Variants in DOCK5 observed in about 807,000 individuals in gnomAD.
The protein encoded by DOCK5 is dedicator of cytokinesis protein 5.
A neutral mutation model predicts 251.8 loss-of-function variants in DOCK5; 142 were observed. The ratio of observed to expected loss-of-function variants is 0.56; its 90% confidence interval spans 0.49 to 0.65. The LOEUF (loss-of-function observed/expected upper bound fraction) is 0.65, where lower values mean the gene tolerates loss of function less well. Ranked by LOEUF, DOCK5 falls within the 30% of genes least tolerant of loss-of-function variation. The pLI, the probability that DOCK5 is intolerant of heterozygous loss-of-function variation, is 0.00. For synonymous variants in DOCK5, 842 were observed against 835.5 expected (o/e 1.01, Z -0.13); for missense variants, 2,111 against 2,312.3 (o/e 0.91, Z 1.79).
At chr8:25,284,398 C>T (rs1350974507) in intron 5 of DOCK5, among the ~76,000 whole-genome samples, 2 of 152,196 alleles carry the variant, frequency 1.3e-5, no homozygotes, top group Admixed American at 6.5e-5. Context: ...GATTTAGTGA[C>T]GTTTGCCTTG....
chr8:25,357,579 T>G (rs1800599722), intron 27 of DOCK5, among the ~76,000 whole-genome samples: 1 of 151,952 alleles, frequency 6.6e-6, no homozygotes. Context: ...GGTTTCACCA[T>G]GTTGGCCAGA....
At chr8:25,195,430 C>T (rs925260580) in intron 1 of DOCK5, among the ~76,000 whole-genome samples, 5 of 152,100 alleles carry the variant, frequency 3.3e-5, no homozygotes, top group African/African-American at 9.7e-5. Context: ...GACATTGCCA[C>T]CTCCCTGCTT....
At chr8:25,336,459 T>A in intron 22 of DOCK5, 86 bp downstream of exon 22, 1 of 1,488,142 alleles carries the variant, frequency 6.7e-7, no homozygotes, top group South Asian at 1.2e-5. Context: ...GGTGTTCAGC[T>A]CTGTGAGCAG....
rs1429915033 is a variant in DOCK5 at position 25,311,909 on chromosome 8, AAG to A, written c.1318+1379_1318+1380del. Among the ~76,000 whole-genome samples the A allele has an allele frequency of 4.6e-5, 7 of 151,926 alleles. No homozygotes were observed. The East Asian group carries it at 1.2e-3, about 25-fold the overall frequency. ...TGCAACCCAGCCTGGGCAACAGAGCAAGACTCTGCCTCCAAAAAAAAAAAAAA... is the reference window on the plus strand; with the variant it reads ...TGCAACCCAGCCTGGGCAACAGAGCAACTCTGCCTCCAAAAAAAAAAAAAA... On this transcript the variant is annotated intron_variant, in intron 13 of 51. Transcript: ENST00000276440.
intron 2 of DOCK5, among the ~76,000 whole-genome samples, chr8:25,255,758 G>A (rs886813389): frequency 6.6e-6 from 1 of 152,226 alleles, no homozygotes; most frequent in Non-Finnish European, 1.5e-5. Flanking sequence ...TAGCAGGGAT[G>A]TCTTGTCAGG....
intron 34 of DOCK5, among the ~76,000 whole-genome samples, chr8:25,371,288 G>A (rs1800868194): frequency 1.3e-5 from 2 of 152,072 alleles, no homozygotes; most frequent in Admixed American, 1.3e-4. Context: ...TTGACCTCGT[G>A]ATCCACCTGC....
intron 23 of DOCK5, 123 bp from the exon 24 acceptor site, chr8:25,341,616 G>C (rs1805957805): frequency 2.6e-6 from 2 of 776,678 alleles, no homozygotes; most frequent in Non-Finnish European, 4.3e-6. Flanking sequence ...TTTATTGTAA[G>C]GGTATCTGTG....
chr8:25,208,594 A>C (rs1187580079), intron 1 of DOCK5, among the ~76,000 whole-genome samples: 3 of 152,220 alleles, frequency 2.0e-5, no homozygotes, highest in African/African-American at 4.8e-5. Context: ...TTTTTTTAGC[A>C]ATAAAATATT....
intron 1 of DOCK5, among the ~76,000 whole-genome samples, chr8:25,236,265 G>A (rs1802795011): frequency 6.6e-6 from 1 of 152,154 alleles, no homozygotes; most frequent in Non-Finnish European, 1.5e-5. Flanking sequence ...GTCCTGGATG[G>A]GTCTGAGCAG....
At position 25,300,579 on chromosome 8, in the gene DOCK5, GAACT is replaced by G; in HGVS notation, c.770_773del (p.Asn257IlefsTer2). ...CAATTTTTTTTTCCTTTGCCAGTGAGAACTATCTAATTCGTTGGGGCAGTAACGG... is the reference window on the plus strand; with the variant it reads ...CAATTTTTTTTTCCTTTGCCAGTGAGATCTAATTCGTTGGGGCAGTAACGG... On this transcript the variant is annotated frameshift_variant, in exon 9 of 52. Transcript: ENST00000276440. LOFTEE classifies it high-confidence loss of function. The G allele has an allele frequency of 6.2e-7, 1 of 1,612,238 alleles. No homozygotes were observed. The highest frequency in any genetic ancestry group is 8.5e-7 in the Non-Finnish European group (1 of 1,179,176).
At chr8:25,392,034 T>A (rs1801268778) in intron 43 of DOCK5, 54 bp downstream of exon 43, 16 of 1,534,802 alleles carry the variant, frequency 1.0e-5, no homozygotes, top group Non-Finnish European at 1.4e-5. Context: ...CTGAGCACGG[T>A]GGCTCACGCC....
intron 1 of DOCK5, among the ~76,000 whole-genome samples, chr8:25,199,380 CTT>C (rs564264937): frequency 4.2e-5 from 5 of 117,890 alleles, no homozygotes; most frequent in Non-Finnish European, 1.6e-5. Context: ...CCGCTCTGTT[CTT>C]TTTTTTTTTT....
intron 14 of DOCK5, 180 bp downstream of exon 14, chr8:25,317,311 C>G: frequency 1.6e-6 from 1 of 626,254 alleles, no homozygotes; most frequent in South Asian, 2.8e-5. Flanking sequence ...AGGAAGCTAT[C>G]TAGACTCTTC....
intron 40 of DOCK5, among the ~76,000 whole-genome samples, chr8:25,385,664 G>A (rs569880438): frequency 7.2e-5 from 11 of 152,108 alleles, no homozygotes; most frequent in Admixed American, 3.3e-4. Context: ...CCAAAATCTT[G>A]AAATTATCTA....
At chr8:25,363,650 GT>G (rs532211987) in intron 29 of DOCK5, among the ~76,000 whole-genome samples, 113 of 152,350 alleles carry the variant, frequency 7.4e-4, no homozygotes, top group Middle Eastern at 6.8e-3. Context: ...TAGTTCAAAA[GT>G]TTGGTGAAAT....
intron 1 of DOCK5, among the ~76,000 whole-genome samples, chr8:25,227,221 G>C (rs561084607): frequency 1.3e-4 from 20 of 152,302 alleles, no homozygotes; most frequent in South Asian, 6.2e-4. Context: ...CCTGACTGCC[G>C]ACCTCCCATG....
intron 1 of DOCK5, among the ~76,000 whole-genome samples, chr8:25,198,638 G>T (rs1451546301): frequency 6.6e-6 from 1 of 151,818 alleles, no homozygotes; most frequent in African/African-American, 2.4e-5. Context: ...TTGCCCTCTT[G>T]TATGTAGAAT....
chr8:25,291,499 G>A (rs1291187432), intron 5 of DOCK5, among the ~76,000 whole-genome samples: 5 of 150,878 alleles, frequency 3.3e-5, no homozygotes, highest in South Asian at 2.1e-4. Flanking sequence ...CCTGGCCAAC[G>A]TGATGAAACC....
chr8:25,319,526 T>C, intron 14 of DOCK5, 52 bp from the exon 15 acceptor site: 1 of 1,378,628 alleles, frequency 7.3e-7, no homozygotes, highest in Non-Finnish European at 1.0e-6. Context: ...TGGGGTCCTC[T>C]TACTTTTCTA....
Sources: allele counts gnomAD v4.1 joint callset (sites outside exome capture counted in the v4.1 genomes callset), GRCh38; gene constraint gnomAD v4.1.1; transcripts MANE v1.5; gene names NCBI Gene and HGNC (gene_info 2026-07-23, HGNC 2026-07-21).